The following CDK13 variants were observed in gnomAD, a reference collection of about 807,000 sequenced individuals.
The protein encoded by CDK13 is cyclin dependent kinase 13, also known as cyclin-dependent kinase 13.
A neutral mutation model predicts 137.6 loss-of-function variants in CDK13; 40 were observed. That is an observed-to-expected ratio of 0.29 (90% CI 0.23 to 0.38). The LOEUF is 0.38. Among genes scored for constraint, CDK13 ranks in the 10% least tolerant of loss-of-function variants. The pLI is 1.00. For synonymous variants in CDK13, 869 were observed against 760.1 expected (o/e 1.14, Z -2.36); for missense variants, 1,704 against 1,951.8 (o/e 0.87, Z 2.39).
At chr7:40,077,312 T>C (rs932976486) in intron 9 of CDK13, among the ~76,000 whole-genome samples, 2 of 152,116 alleles carry the variant, frequency 1.3e-5, no homozygotes, top group Non-Finnish European at 2.9e-5. Flanking sequence ...CTTATATTCA[T>C]GGGAAGGAGG....
chr7:40,065,449 T>C (rs1480747288), intron 9 of CDK13, among the ~76,000 whole-genome samples: 1 of 151,838 alleles, frequency 6.6e-6, no homozygotes, highest in East Asian at 1.9e-4. Context: ...GTAACACTAA[T>C]GATAGCTGAT....
intron 1 of CDK13, chr7:39,985,950 G>C (rs1784328135): frequency 6.6e-6 from 1 of 151,950 alleles, no homozygotes; most frequent in Admixed American, 6.6e-5. Flanking sequence ...GAGGAGGGAG[G>C]GAGCTAGGAA....
rs566562582 is a variant in CDK13, at chr7:39,963,591, C to T, written c.1211+11739C>T. ...GCAAACAGGGACAATTTGACTTTCT[C>T]TTTTCCTAATTGAATACCCTTTATT... On this transcript the variant is annotated intron_variant, in intron 1 of 13. Coordinates refer to ENST00000181839, the MANE Select transcript of CDK13 (RefSeq NM_003718.5). Among the ~76,000 whole-genome samples the T allele has an allele frequency of 5.6e-4, 85 of 152,336 alleles. 1 individual carries two copies. Among genetic ancestry groups the T allele is most frequent in the African/African-American group, 2.0e-3 (82 of 41,582 alleles).
At chr7:40,049,179 CAAAAAAAAAAAAAA>C (rs917975927) in intron 7 of CDK13, 2 of 51,324 alleles carry the variant, frequency 3.9e-5, no homozygotes, top group Non-Finnish European at 6.8e-5. Context: ...AGACTGTCTC[CAAAAAAAAAAAAAA>C]AAAAAAAAAA....
intron 7 of CDK13, among the ~76,000 whole-genome samples, chr7:40,057,139 C>G (rs532210030): frequency 2.0e-5 from 3 of 152,128 alleles, no homozygotes. Context: ...CCTGTAATCC[C>G]AGCTACTTGG....
chr7:39,987,582 T>G lies in CDK13; in HGVS notation c.1212-17T>G. ...CCTTTCTCAATTACTGATTAAATCT[T>G]AATTATTTCTCACCAGACGGTCTGG... On this transcript the variant is annotated splice_polypyrimidine_tract_variant and intron_variant, in intron 1 of 13. Transcript: ENST00000181839. 6.4e-7 allele frequency: 1 copy of G among 1,552,130 alleles called. No individual in the cohort carries two copies. The highest frequency in any genetic ancestry group is 2.3e-5 in the East Asian group (1 of 44,228).
intron 1 of CDK13, among the ~76,000 whole-genome samples, chr7:39,967,560 A>G (rs1315537905): frequency 6.6e-6 from 1 of 152,080 alleles, no homozygotes; most frequent in East Asian, 1.9e-4. Context: ...TGAACATGGG[A>G]GTGGAGACAT....
At chr7:39,987,537 T>C in intron 1 of CDK13, 62 bp from the exon 2 acceptor site, 1 of 1,340,364 alleles carries the variant, frequency 7.5e-7, no homozygotes, top group Non-Finnish European at 1.0e-6. Context: ...TAGCACTGTC[T>C]TTGTAAATTC....
chr7:40,034,744 A>G (rs1393586040), intron 5 of CDK13, among the ~76,000 whole-genome samples: 1 of 152,238 alleles, frequency 6.6e-6, no homozygotes, highest in African/African-American at 2.4e-5. Flanking sequence ...TTGCCCAAAC[A>G]TAGCAGTGTA....
intron 5 of CDK13, among the ~76,000 whole-genome samples, chr7:40,007,026 T>C (rs2116349375): frequency 2.0e-5 from 3 of 152,290 alleles, no homozygotes; most frequent in Admixed American, 2.0e-4. Context: ...CCTAAAACTA[T>C]GAATCTGTGA....
chr7:40,001,685 A>G (rs1483614673), intron 4 of CDK13, among the ~76,000 whole-genome samples, 176 bp from the exon 5 acceptor site: 1 of 152,166 alleles, frequency 6.6e-6, no homozygotes, highest in Admixed American at 6.5e-5. Flanking sequence ...TTGTTTAATG[A>G]CAGACTTAAT....
At chr7:40,043,137 A>G (rs975526832) in intron 5 of CDK13, among the ~76,000 whole-genome samples, 4 of 152,156 alleles carry the variant, frequency 2.6e-5, no homozygotes, top group African/African-American at 9.7e-5. Flanking sequence ...CTACATTTTC[A>G]TTTAATGAAT....
chr7:40,086,624 G>A (rs1276254486), intron 11 of CDK13, among the ~76,000 whole-genome samples: 4 of 152,140 alleles, frequency 2.6e-5, no homozygotes, highest in Non-Finnish European at 5.9e-5. Flanking sequence ...ATTGTGGGCA[G>A]TTTTGATAGT....
chr7:40,032,461 A>C (rs1045254579), intron 5 of CDK13, among the ~76,000 whole-genome samples: 16 of 152,208 alleles, frequency 1.1e-4, no homozygotes, highest in African/African-American at 3.6e-4. Flanking sequence ...ATAAAACGTC[A>C]TTGCCAAACT....
In CDK13 at chr7:39,951,319, C is replaced by G. The variant is rs1787178829; in HGVS notation, c.678C>G (p.Ser226Arg). 1.4e-6 allele frequency: 2 copies of G among 1,407,858 alleles called. No homozygotes were observed. Among genetic ancestry groups the G allele is most frequent in the Non-Finnish European group, 1.8e-6 (2 of 1,090,970 alleles). The allele number at this position is 1,407,858 out of a possible 1,614,324, so 87.2% of individuals were successfully genotyped here. Reference protein sequence around the residue: ...HRRRDGQRGGSEASKSRSRHS... With the variant: ...HRRRDGQRGGREASKSRSRHS... ...GGCGGGATGGGCAGCGCGGTGGCAGCGAGGCCTCCAAGTCCCGCAGCCGCC... is the reference window on the plus strand; with the variant it reads ...GGCGGGATGGGCAGCGCGGTGGCAGGGAGGCCTCCAAGTCCCGCAGCCGCC... Residue 226 changes from serine to arginine, a missense_variant, in exon 1 of 14, where the codon AGC becomes AGG. By Grantham distance (110) the Ser-to-Arg change is moderately radical. Coordinates refer to ENST00000181839, the MANE Select transcript of CDK13 (RefSeq NM_003718.5).
At chr7:40,068,707 G>GAAAAAAAAAAAAAAAAA (rs1158145409) in intron 9 of CDK13, among the ~76,000 whole-genome samples, 1 of 47,082 alleles carries the variant, frequency 2.1e-5, no homozygotes, top group Non-Finnish European at 3.9e-5. Context: ...CTATGTCTCA[G>GAAAAAAAAAAAAAAAAA]AAAAAAAAAA....
Position 40,024,645 on chromosome 7 carries a change from G to GTTTTTTTTT in CDK13, c.2354-21166_2354-21158dup, listed in dbSNP as rs58010602. Among the ~76,000 whole-genome samples the GTTTTTTTTT allele has an allele frequency of 2.0e-4, 10 of 50,282 alleles. 3 individuals carry two copies. The highest frequency in any genetic ancestry group is 6.7e-4 in the African/African-American group (8 of 11,968). 33.0% of individuals were successfully genotyped at this position (50,282 alleles called of 152,430 possible). A position where few individuals can be genotyped will look rare whatever the true frequency, so the allele number is the denominator to read the frequency against. On this transcript the variant is annotated intron_variant, in intron 5 of 13. Coordinates refer to ENST00000181839, the MANE Select transcript of CDK13 (RefSeq NM_003718.5). ...TCTTCCAAGATATCTGTAGCTCTGTGTTTTTTTTTTTTTTTTTTTTTTTTT... is the reference window on the plus strand; with the variant it reads ...TCTTCCAAGATATCTGTAGCTCTGTGTTTTTTTTTTTTTTTTTTTTTTTTTTTTTTTTTT...
chr7:39,972,714 T>C (rs968465374), intron 1 of CDK13, among the ~76,000 whole-genome samples: 3 of 152,242 alleles, frequency 2.0e-5, no homozygotes, highest in Non-Finnish European at 4.4e-5. Flanking sequence ...TCATTAGTCA[T>C]GGACCTTTGG....
chr7:39,994,850 G>T (rs1052107802), intron 2 of CDK13, among the ~76,000 whole-genome samples: 1 of 151,402 alleles, frequency 6.6e-6, no homozygotes, highest in East Asian at 1.9e-4. Flanking sequence ...AAACTTCTTG[G>T]CAGTTCTTTT....
Sources: gnomAD v4.1 joint callset for allele counts (sites outside exome capture counted in the v4.1 genomes callset) on GRCh38, gnomAD v4.1.1 for gene constraint, MANE v1.5 for transcripts, NCBI Gene and HGNC (gene_info 2026-07-23, HGNC 2026-07-21) for gene names.